PFKM: variants seen among roughly 807,000 people sequenced by gnomAD.
The protein encoded by PFKM is phosphofructokinase, muscle, also known as ATP-dependent 6-phosphofructokinase, muscle type.
In PFKM, 58 loss-of-function variants were observed where a neutral mutation model predicts 95.5. The observed-to-expected ratio is 0.61, with a 90% CI of 0.49 to 0.76. The LOEUF (loss-of-function observed/expected upper bound fraction) is 0.76, where lower values mean the gene tolerates loss of function less well. PFKM is among the 30% of genes least tolerant of loss of function. The pLI is 0.00. For missense variants in PFKM, 678 were observed against 1,005.4 expected (o/e 0.67, Z 4.40); for synonymous variants, 336 against 357.2 (o/e 0.94, Z 0.67).
chr12:48,133,097 G>A (rs1250042121), intron 5 of PFKM, 40 bp downstream of exon 5: 2 of 1,566,024 alleles, frequency 1.3e-6, no homozygotes, highest in Non-Finnish European at 8.8e-7. Context: ...ATTTGTGTCG[G>A]TACGTGCACG....
In PFKM at chr12:48,141,942, A is replaced by G; in HGVS notation, c.1529A>G (p.Glu510Gly). ...TACACAGGGGGCCTGGAACTGATGG[A>G]GGGCAGGAAGCAGTTTGATGAGCTC... ...EAYTGGLELM[E>G]GRKQFDELCI... The change falls in exon 17 of 23, where the codon GAG becomes GGG. Residue 510 changes from glutamate (E) to glycine (G), a missense_variant. By Grantham distance (98) the Glu-to-Gly change is moderately conservative. Coordinates refer to ENST00000359794, the MANE Select transcript of PFKM (RefSeq NM_000289.6). 6.2e-7 allele frequency: 1 copy of G among 1,614,044 alleles called. No homozygotes were observed.
intron 3 of PFKM, among the ~76,000 whole-genome samples, chr12:48,130,895 C>G (rs1949404070): frequency 6.6e-6 from 1 of 152,176 alleles, no homozygotes; most frequent in Admixed American, 6.5e-5. Context: ...ATAAGGTCCA[C>G]CTGCTTTCTT....
In PFKM at chr12:48,119,878, C is replaced by T. The variant is rs557265717; in HGVS notation, c.-9+472C>T. On this transcript the variant is annotated intron_variant, in intron 1 of 22. Coordinates refer to ENST00000359794, the MANE Select transcript of PFKM (RefSeq NM_000289.6). Reference sequence around the variant, plus strand: ...CTGCATGAATTTCTGTGTCCTGTGCCTCTATAACTGTCTTAGAGATTTCAG... The same window carrying T: ...CTGCATGAATTTCTGTGTCCTGTGCTTCTATAACTGTCTTAGAGATTTCAG... The T allele has an allele frequency of 4.6e-5, 7 of 152,348 alleles. No homozygotes were observed. In the South Asian group the frequency reaches 1.2e-3, roughly 27 times the overall value. 9.4% of individuals were successfully genotyped at this position (152,348 alleles called of 1,614,324 possible).
At chr12:48,123,524 T>TG (rs57642441) in intron 2 of PFKM, among the ~76,000 whole-genome samples, 44,465 of 152,016 alleles carry the variant, frequency 0.29, 6,629 homozygotes, top group Non-Finnish European at 0.31. Context: ...TAAGAGGGTA[T>TG]TGATTTTTTT....
intron 13 of PFKM, among the ~76,000 whole-genome samples, chr12:48,140,301 G>A (rs1950465651): frequency 6.6e-6 from 1 of 152,134 alleles, no homozygotes; most frequent in African/African-American, 2.4e-5. Context: ...GAATTGTTTG[G>A]GTTGCTTATT....
upstream of PFKM, among the ~76,000 whole-genome samples, chr12:48,116,141 CCT>C (rs1182684834): frequency 5.6e-4 from 80 of 143,352 alleles, 1 homozygote; most frequent in African/African-American, 1.9e-3. Flanking sequence ...TTCCTTCCTT[CCT>C]CTCTCTCTCC....
intron 11 of PFKM, 66 bp from the exon 12 acceptor site, chr12:48,139,219 G>A: frequency 8.0e-7 from 1 of 1,251,166 alleles, no homozygotes; most frequent in Non-Finnish European, 1.2e-6. Flanking sequence ...TCGACTGTGG[G>A]ATGGAGTTCC....
At chr12:48,140,615 G>T (rs1397518809) in intron 13 of PFKM, 107 bp from the exon 14 acceptor site, 2 of 1,076,942 alleles carry the variant, frequency 1.9e-6, no homozygotes, top group Non-Finnish European at 2.9e-6. Flanking sequence ...CAGATATCCT[G>T]ATCCCTGGAT....
intron 10 of PFKM, among the ~76,000 whole-genome samples, chr12:48,136,278 T>A (rs1950081061): frequency 6.6e-6 from 1 of 152,236 alleles, no homozygotes; most frequent in Non-Finnish European, 1.5e-5. Flanking sequence ...TGGAATTGCA[T>A]AATATGCAAC....
At chr12:48,106,496 G>A in intron 1 of PFKM, 1 of 286,430 alleles carries the variant, frequency 3.5e-6, no homozygotes, top group East Asian at 9.6e-5. Context: ...GATCTAAATC[G>A]ATCTCAGGCT....
chr12:48,126,145 T>C (rs920335174), intron 2 of PFKM, among the ~76,000 whole-genome samples: 2 of 152,162 alleles, frequency 1.3e-5, no homozygotes, highest in African/African-American at 2.4e-5. Flanking sequence ...TGTAATCTTA[T>C]CCTTCGTCTT....
intron 17 of PFKM, among the ~76,000 whole-genome samples, chr12:48,142,573 A>G (rs1230393156): frequency 6.6e-6 from 1 of 151,898 alleles, no homozygotes; most frequent in African/African-American, 2.4e-5. Flanking sequence ...TAGAAAGGAT[A>G]GGTACAGCTT....
rs1950965028 is a variant in PFKM, at chr12:48,145,479, T to C, written c.2199-85T>C. ...CACATGTCCTAAATCTAACCTCTTC[T>C]GTCTAACTTCTTCCTATAAACCTTT... On this transcript the variant is annotated intron_variant, in intron 22 of 22. Coordinates refer to ENST00000359794, the MANE Select transcript of PFKM (RefSeq NM_000289.6). The surrounding 1 kb of genome is among the most constrained non-coding windows in gnomAD (Gnocchi z 4.3). 1.3e-6 allele frequency: 2 copies of C among 1,524,650 alleles called. No individual in the cohort carries two copies. The highest frequency in any genetic ancestry group is 1.8e-6 in the Non-Finnish European group (2 of 1,101,598). The allele number at this position is 1,524,650 out of a possible 1,614,324, so 94.4% of individuals were successfully genotyped here. A position where few individuals can be genotyped will look rare whatever the true frequency, so the allele number is the denominator to read the frequency against.
intron 3 of PFKM, among the ~76,000 whole-genome samples, chr12:48,114,186 C>T (rs1162476559): frequency 6.6e-6 from 1 of 152,170 alleles, no homozygotes; most frequent in Non-Finnish European, 1.5e-5. Context: ...AAAACTTTCC[C>T]ATTCATCTGG....
chr12:48,143,625 G>T, intron 18 of PFKM, 128 bp from the exon 19 acceptor site: 1 of 757,890 alleles, frequency 1.3e-6, no homozygotes, highest in Admixed American at 1.9e-5. Flanking sequence ...GCACAGTTCA[G>T]GCCCAGGATT....
rs762532030 is a variant in PFKM at position 48,134,229 on chromosome 12, C to T, written c.594-3C>T. On this transcript the variant is annotated splice_region_variant and splice_polypyrimidine_tract_variant and intron_variant, in intron 6 of 22. Transcript: ENST00000359794. ...GACTGTGTCATATGTCTATCTCTTG[C>T]AGCCACCAGAGGACATTTGTGTTAG... The T allele has an allele frequency of 1.2e-6, 2 of 1,613,270 alleles. No individual in the cohort carries two copies. The highest frequency in any genetic ancestry group is 1.7e-4 in the Middle Eastern group (1 of 6,060).
At chr12:48,135,139 A>C in intron 9 of PFKM, 101 bp downstream of exon 9, 1 of 1,121,956 alleles carries the variant, frequency 8.9e-7, no homozygotes, top group Non-Finnish European at 1.4e-6. Flanking sequence ...CCTTCTGCAC[A>C]TCTCTCCCTG....
rs538607390 is a variant in PFKM, at chr12:48,139,442, T to G, written c.1127+93T>G. On this transcript the variant is annotated intron_variant, in intron 12 of 22. Transcript: ENST00000359794. ...TGGCTCCAGGCCCAAAACATGAGCT[T>G]CTGCTGCTTCCTTTTCTGATTCTCT... is the stretch of plus-strand genomic sequence containing the variant. The G allele has an allele frequency of 1.9e-4, 178 of 938,332 alleles. No individual in the cohort carries two copies. The Admixed American group carries it at 3.2e-3, about 17-fold the overall frequency. The allele number at this position is 938,332 out of a possible 1,614,324, so 58.1% of individuals were successfully genotyped here.
At position 48,133,615 on chromosome 12, in the gene PFKM, T is replaced by C; in HGVS notation, c.593+135T>C. The C allele has an allele frequency of 4.0e-6, 3 of 750,426 alleles. No individual in the cohort carries two copies. In the South Asian group the frequency reaches 4.7e-5, roughly 12 times the overall value. The allele number at this position is 750,426 out of a possible 1,614,324, so 46.5% of individuals were successfully genotyped here. ...CAGTTTTCTGGGGCTAGAACACTAT[T>C]TTTAACGAAAAATTATCTAGAGCAC... On this transcript the variant is annotated intron_variant, in intron 6 of 22. Coordinates refer to ENST00000359794, the MANE Select transcript of PFKM (RefSeq NM_000289.6).
Sources: gnomAD v4.1 joint callset for allele counts (sites outside exome capture counted in the v4.1 genomes callset) on GRCh38, gnomAD v4.1.1 for gene constraint, Gnocchi (gnomAD v3.1) non-coding constraint, MANE v1.5 for transcripts, NCBI Gene and HGNC (gene_info 2026-07-23, HGNC 2026-07-21) for gene names.